STX6: variants seen among roughly 807,000 people sequenced by gnomAD.
STX6 encodes syntaxin-6.
STX6 carries 23 observed loss-of-function variants against 38.0 expected under a neutral mutation model. The observed-to-expected ratio is 0.60, with a 90% CI of 0.43 to 0.86. The LOEUF (loss-of-function observed/expected upper bound fraction) is 0.86, where lower values mean the gene tolerates loss of function less well. Among genes scored for constraint, STX6 ranks in the 40% least tolerant of loss-of-function variants. STX6 has a pLI of 0.00. For missense variants in STX6, 274 were observed against 312.9 expected, an observed-to-expected ratio of 0.88 and a Z score of 0.94; for synonymous variants, 123 against 107.5, an observed-to-expected ratio of 1.14 and a Z score of -0.89.
intron 6 of STX6, among the ~76,000 whole-genome samples, chr1:180,985,950 T>A (rs1655568914): frequency 6.6e-6 from 1 of 152,226 alleles, no homozygotes; most frequent in Non-Finnish European, 1.5e-5. Context: ...TGTTGACAAC[T>A]AAAATAAGTC....
At chr1:181,017,799 A>T (rs1656603917) in intron 1 of STX6, among the ~76,000 whole-genome samples, 1 of 152,180 alleles carries the variant, frequency 6.6e-6, no homozygotes, top group Non-Finnish European at 1.5e-5. Context: ...TGGGTCCCTC[A>T]AACACTTTGA....
At chr1:181,022,512 C>A in intron 1 of STX6, 127 bp downstream of exon 1, 1 of 924,886 alleles carries the variant, frequency 1.1e-6, no homozygotes, top group Non-Finnish European at 1.7e-6. Flanking sequence ...AAGACTAAGC[C>A]GTCTCCACTG....
At chr1:181,014,078 TA>T (rs1320203768) in intron 1 of STX6, among the ~76,000 whole-genome samples, 1 of 152,146 alleles carries the variant, frequency 6.6e-6, no homozygotes, top group African/African-American at 2.4e-5. Flanking sequence ...TCCAGTTTGA[TA>T]AAAGAATGCC....
At position 181,002,664 on chromosome 1, in the gene STX6, T is replaced by A. The variant is rs756439173; in HGVS notation, c.242A>T (p.Asp81Val). The A allele has an allele frequency of 6.2e-6, 10 of 1,613,782 alleles. No individual in the cohort carries two copies. The highest frequency in any genetic ancestry group is 1.7e-4 in the Middle Eastern group (1 of 6,056). The change falls in exon 3 of 8, where the codon GAT becomes GTT. Residue 81 changes from aspartate to valine, a missense_variant. Asp to Val is a radical substitution (Grantham distance 152). Coordinates refer to ENST00000258301, the MANE Select transcript of STX6 (RefSeq NM_005819.6). ...VEANPRKFNL[D>V]ATELSIRKAF... ...TTTTCTTATACTCAATTCAGTTGCATCAAGGTTAAATTTTCTAGGATTTGC... is the reference window on the plus strand; with the variant it reads ...TTTTCTTATACTCAATTCAGTTGCAACAAGGTTAAATTTTCTAGGATTTGC...
chr1:180,990,154 T>C (rs1405327635), intron 4 of STX6, 45 bp from the exon 5 acceptor site: 1 of 1,610,768 alleles, frequency 6.2e-7, no homozygotes, highest in Non-Finnish European at 8.5e-7. Context: ...AACAAACAAT[T>C]ACTATCTCTG....
rs745888817 is a variant in STX6 at position 181,005,329 on chromosome 1, A to G, written c.170T>C (p.Ile57Thr). 6.2e-7 allele frequency: 1 copy of G among 1,614,082 alleles called. No individual in the cohort carries two copies. The change falls in exon 2 of 8, where the codon ATA (isoleucine) becomes ACA (threonine). Residue 57 changes from isoleucine (I) to threonine (T), a missense_variant. Physicochemically the swap from Ile to Thr is moderately conservative, Grantham distance 89. Transcript: ENST00000258301. The stretch of plus-strand genomic sequence containing the variant: ...ATCAAGGTCCTCTAGATCCCACTCT[A>G]TGCTCCGGAGGTTATTTCTCAGCTC... Reference protein sequence around the residue: ...TNELRNNLRSIEWDLEDLDET... With the variant: ...TNELRNNLRSTEWDLEDLDET...
chr1:181,010,356 C>A (rs1397396684), intron 1 of STX6, among the ~76,000 whole-genome samples: 3 of 152,056 alleles, frequency 2.0e-5, no homozygotes, highest in Non-Finnish European at 2.9e-5. Flanking sequence ...GACTGGAGTG[C>A]AGTGGTGCCA....
At chr1:180,986,838 C>G (rs949289649) in intron 6 of STX6, among the ~76,000 whole-genome samples, 10 of 152,298 alleles carry the variant, frequency 6.6e-5, no homozygotes, top group African/African-American at 2.2e-4. Context: ...TTACCCACTG[C>G]CCAGCCAGGC....
At chr1:180,980,284 G>A (rs1435200564) in intron 7 of STX6, among the ~76,000 whole-genome samples, 2 of 150,602 alleles carry the variant, frequency 1.3e-5, no homozygotes, top group East Asian at 3.9e-4. Flanking sequence ...ATGTCACTGG[G>A]GAAAGGCAAA....
intron 6 of STX6, among the ~76,000 whole-genome samples, chr1:180,985,914 C>G (rs1655568091): frequency 6.6e-6 from 1 of 152,234 alleles, no homozygotes; most frequent in Admixed American, 6.5e-5. Flanking sequence ...GCAACCAACT[C>G]TTCATTAAAT....
At chr1:180,985,562 A>G (rs1227744453) in intron 6 of STX6, among the ~76,000 whole-genome samples, 3 of 152,216 alleles carry the variant, frequency 2.0e-5, no homozygotes, top group Non-Finnish European at 4.4e-5. Flanking sequence ...CTGTGCATGC[A>G]CACGCGCATT....
At chr1:180,999,933 A>G (rs1388995350) in intron 3 of STX6, among the ~76,000 whole-genome samples, 4 of 152,210 alleles carry the variant, frequency 2.6e-5, no homozygotes, top group Admixed American at 2.0e-4. Context: ...ATCTCTACAT[A>G]CAAACACTGT....
intron 2 of STX6, among the ~76,000 whole-genome samples, chr1:181,002,990 C>T (rs762042678): frequency 3.9e-5 from 6 of 152,228 alleles, no homozygotes; most frequent in Non-Finnish European, 5.9e-5. Context: ...TGGGCTCTTC[C>T]TGTTTGCCAA....
intron 2 of STX6, 78 bp from the exon 3 acceptor site, chr1:181,002,778 A>G: frequency 1.1e-6 from 1 of 941,062 alleles, no homozygotes; most frequent in East Asian, 2.5e-5. Flanking sequence ...AATCTCTCAC[A>G]TGCAAACAAA....
intron 1 of STX6, 101 bp downstream of exon 1, chr1:181,022,538 T>A: frequency 8.0e-7 from 1 of 1,250,260 alleles, no homozygotes; most frequent in Non-Finnish European, 1.1e-6. Flanking sequence ...CCTCCCCAGC[T>A]CCAACTTGCC....
At chr1:180,998,913 G>A (rs1357042985) in intron 3 of STX6, among the ~76,000 whole-genome samples, 1 of 152,172 alleles carries the variant, frequency 6.6e-6, no homozygotes, top group African/African-American at 2.4e-5. Flanking sequence ...ATCTGCCAAA[G>A]GAACAACAAA....
chr1:180,992,874 G>A (rs949533626), intron 4 of STX6, among the ~76,000 whole-genome samples: 2 of 152,158 alleles, frequency 1.3e-5, no homozygotes, highest in African/African-American at 4.8e-5. Flanking sequence ...ATCCTTAGAT[G>A]TCTAATGTGT....
intron 7 of STX6, among the ~76,000 whole-genome samples, chr1:180,978,472 T>A (rs4652545): frequency 3.3e-5 from 5 of 151,934 alleles, no homozygotes; most frequent in Non-Finnish European, 7.4e-5. Context: ...ACACTCCAGG[T>A]GGACCCAGGC....
At chr1:181,015,419 C>G (rs1376173138) in intron 1 of STX6, among the ~76,000 whole-genome samples, 1 of 152,194 alleles carries the variant, frequency 6.6e-6, no homozygotes, top group East Asian at 1.9e-4. Flanking sequence ...CAACACTTGT[C>G]TAGACAAGAG....
Sources: gnomAD v4.1 joint callset for allele counts (sites outside exome capture counted in the v4.1 genomes callset) on GRCh38, gnomAD v4.1.1 for gene constraint, MANE v1.5 for transcripts, NCBI Gene and HGNC (gene_info 2026-07-23, HGNC 2026-07-21) for gene names.